SCP2: variants seen among roughly 807,000 people sequenced by gnomAD.
SCP2 encodes the protein sterol carrier protein 2, also known as SCP-2/3-oxoacyl-CoA thiolase.
Under a neutral mutation model 71.4 loss-of-function variants are expected in SCP2, and 48 were observed. That is an observed-to-expected ratio of 0.67 (90% CI 0.53 to 0.86). SCP2 has a LOEUF of 0.86. Ranked by LOEUF, SCP2 falls within the 40% of genes least tolerant of loss-of-function variation. The pLI is 0.00. For synonymous variants in SCP2, 220 were observed against 218.1 expected, an observed-to-expected ratio of 1.01 and a Z score of -0.08; for missense variants, 560 against 655.6, an observed-to-expected ratio of 0.85 and a Z score of 1.59.
At chr1:53,004,640 C>A (rs1173414758) in intron 11 of SCP2, among the ~76,000 whole-genome samples, 1 of 152,116 alleles carries the variant, frequency 6.6e-6, no homozygotes, top group Non-Finnish European at 1.5e-5. Flanking sequence ...TAGGGTATAC[C>A]CTCCCTGCCT....
Position 52,947,993 on chromosome 1 carries a change from C to A in SCP2, c.128-16C>A, listed in dbSNP as rs1357464444. Reference sequence around the variant, plus strand: ...TACTTAAAGCACTTTTTGATAAAAACCTTTCGTTTTTATAGGCAAGAAGGC... The same window carrying A: ...TACTTAAAGCACTTTTTGATAAAAAACTTTCGTTTTTATAGGCAAGAAGGC... On this transcript the variant is annotated splice_polypyrimidine_tract_variant and intron_variant, in intron 2 of 15. Transcript: ENST00000371514. The A allele has an allele frequency of 1.3e-6, 2 of 1,595,248 alleles. No individual in the cohort carries two copies. The highest frequency in any genetic ancestry group is 1.1e-5 in the South Asian group (1 of 90,692).
In SCP2 at chr1:52,998,288, A is replaced by G. The variant is rs538140984; in HGVS notation, c.1081+10152A>G. 1.8e-4 allele frequency among the ~76,000 whole-genome samples: 27 copies of G among 152,308 alleles called. No individual in the cohort carries two copies. In the South Asian group the frequency reaches 1.9e-3, roughly 11 times the overall value. ...GAGCAAAATTTCTGGGTCATAGGAC[A>G]GATCTATATGAGTAACTGTCAAAAA... On this transcript the variant is annotated intron_variant, in intron 11 of 15. Transcript: ENST00000371514.
At chr1:53,039,150 T>C in intron 14 of SCP2, 104 bp downstream of exon 14, 1 of 1,397,212 alleles carries the variant, frequency 7.2e-7, no homozygotes, top group Admixed American at 1.9e-5. Flanking sequence ...AGGACTGGCT[T>C]TTAATGTTAA....
intron 1 of SCP2, among the ~76,000 whole-genome samples, chr1:52,934,734 T>A (rs1653532934): frequency 6.8e-6 from 1 of 147,118 alleles, no homozygotes; most frequent in African/African-American, 2.5e-5. Flanking sequence ...TGCCTCAGCC[T>A]CCCGAGTAGC....
rs111404926 is a variant in SCP2 at position 52,972,199 on chromosome 1, T to A, written c.524-2570T>A. Among the ~76,000 whole-genome samples the A allele has an allele frequency of 7.6e-3, 1,156 of 152,358 alleles. 10 individuals are homozygous for A. Among genetic ancestry groups the A allele is most frequent in the African/African-American group, 0.025 (1,043 of 41,576 alleles). Reference sequence around the variant, plus strand: ...GTAAGAAAGCTTATAGTAGTTTAAATCATTTGTAGAACCAGCCGAGTTTGT... The same window carrying A: ...GTAAGAAAGCTTATAGTAGTTTAAAACATTTGTAGAACCAGCCGAGTTTGT... On this transcript the variant is annotated intron_variant, in intron 6 of 15. Transcript: ENST00000371514.
At chr1:52,994,195 T>C in intron 11 of SCP2, 6 of 1,029,852 alleles carry the variant, frequency 5.8e-6, no homozygotes, top group Non-Finnish European at 7.0e-6. Flanking sequence ...TGGAGATGTC[T>C]GGATGATAAT....
intron 1 of SCP2, among the ~76,000 whole-genome samples, chr1:52,939,859 A>G (rs1207653733): frequency 2.0e-5 from 3 of 152,076 alleles, no homozygotes; most frequent in East Asian, 2.0e-4. Context: ...TAGTAGAGAC[A>G]GGGTTTCATC....
chr1:53,002,618 A>G (rs772993623), intron 11 of SCP2, among the ~76,000 whole-genome samples: 1 of 152,200 alleles, frequency 6.6e-6, no homozygotes, highest in Non-Finnish European at 1.5e-5. Flanking sequence ...GAATTCATAG[A>G]TCCTTTTCAA....
intron 6 of SCP2, among the ~76,000 whole-genome samples, chr1:52,967,937 T>C (rs1033153892): frequency 3.3e-5 from 5 of 152,196 alleles, no homozygotes; most frequent in African/African-American, 1.2e-4. Context: ...TCCAACATCC[T>C]GCTTTCATCC....
intron 13 of SCP2, among the ~76,000 whole-genome samples, chr1:53,029,895 G>C (rs79642047): frequency 2.0e-5 from 3 of 146,566 alleles, no homozygotes; most frequent in African/African-American, 5.0e-5. Context: ...TTTACCCCCT[G>C]TTTTTTTTTT....
Position 52,988,147 on chromosome 1 carries a change from A to C in SCP2, c.1081+11A>C. 1 of 1,290,256 alleles carries C rather than the reference A, an allele frequency of 7.8e-7. No homozygotes were observed. The highest frequency in any genetic ancestry group is 1.1e-6 in the Non-Finnish European group (1 of 885,224). 79.9% of individuals were successfully genotyped at this position (1,290,256 alleles called of 1,614,324 possible). A position where few individuals can be genotyped will look rare whatever the true frequency, so the allele number is the denominator to read the frequency against. ...CACTAGGCGCTACAGGTAATGCTAC[A>C]TACAGATTTCATACATTTTAAAATC... On this transcript the variant is annotated intron_variant, in intron 11 of 15. Transcript: ENST00000371514.
chr1:52,928,384 A>G (rs1652738243), intron 1 of SCP2, among the ~76,000 whole-genome samples: 1 of 152,204 alleles, frequency 6.6e-6, no homozygotes, highest in South Asian at 2.1e-4. Flanking sequence ...TACTAAATGG[A>G]TATGCTTTGT....
At chr1:52,964,697 T>C (rs1656789931) in intron 6 of SCP2, among the ~76,000 whole-genome samples, 1 of 152,180 alleles carries the variant, frequency 6.6e-6, no homozygotes, top group Non-Finnish European at 1.5e-5. Flanking sequence ...TGAATTCTTT[T>C]TACCTATATT....
intron 12 of SCP2, among the ~76,000 whole-genome samples, chr1:53,016,468 G>A (rs895645831): frequency 1.3e-5 from 2 of 151,800 alleles, no homozygotes; most frequent in African/African-American, 4.8e-5. Context: ...TTTCTTTTTT[G>A]AGACAGAGTC....
chr1:52,993,725 A>G lies in SCP2; in HGVS notation c.1081+5589A>G, dbSNP rs1659715554. 3.1e-6 allele frequency: 5 copies of G among 1,610,064 alleles called. No homozygotes were observed. The Admixed American group carries it at 6.7e-5, about 21-fold the overall frequency. The stretch of plus-strand genomic sequence containing the variant: ...GGACTCCCAACTTAGGAAACAAAAC[A>G]TTTGTAATATGATTGAAGACTCCTG... On this transcript the variant is annotated intron_variant, in intron 11 of 15. Coordinates refer to ENST00000371514, the MANE Select transcript of SCP2 (RefSeq NM_002979.5).
intron 11 of SCP2, among the ~76,000 whole-genome samples, chr1:52,988,714 C>G (rs1659211323): frequency 7.2e-6 from 1 of 138,484 alleles, no homozygotes; most frequent in Non-Finnish European, 1.5e-5. Context: ...GAGATGGAGT[C>G]TCGCTCTGTT....
chr1:52,993,605 G>A (rs1572156974), intron 11 of SCP2: 1 of 1,307,516 alleles, frequency 7.6e-7, no homozygotes, highest in Non-Finnish European at 1.0e-6. Context: ...TTGTCCTGCT[G>A]TATCCAAAAT....
At chr1:52,971,197 C>G (rs564629056) in intron 6 of SCP2, among the ~76,000 whole-genome samples, 54 of 152,002 alleles carry the variant, frequency 3.6e-4, no homozygotes, top group African/African-American at 1.3e-3. Context: ...AGGATGGTCT[C>G]GATATCCCGA....
rs58027924 is a variant in SCP2 at position 52,966,295 on chromosome 1, GT to G, written c.523+4677del. On this transcript the variant is annotated intron_variant, in intron 6 of 15. Transcript: ENST00000371514. ...TATCCGTCAGTGTCTATTTTCTTGA[GT>G]TTTTTTTTTTCCAGGAATGGGTATT... is the stretch of plus-strand genomic sequence containing the variant. Among the ~76,000 whole-genome samples the G allele has an allele frequency of 9.6e-3, 1,397 of 145,664 alleles. 15 individuals carry two copies. The highest frequency in any genetic ancestry group is 0.03 in the African/African-American group (1,200 of 39,940).
Sources: gnomAD v4.1 joint callset for allele counts (sites outside exome capture counted in the v4.1 genomes callset) on GRCh38, gnomAD v4.1.1 for gene constraint, MANE v1.5 for transcripts, NCBI Gene and HGNC (gene_info 2026-07-23, HGNC 2026-07-21) for gene names.